ITSN1: variants seen among roughly 807,000 people sequenced by gnomAD.
The protein encoded by ITSN1 is intersectin 1.
Under a neutral mutation model 239.8 loss-of-function variants are expected in ITSN1, and 58 were observed. The observed-to-expected ratio is 0.24, with a 90% CI of 0.20 to 0.30. The LOEUF (loss-of-function observed/expected upper bound fraction) is 0.30. Ranked by LOEUF, ITSN1 falls within the 10% of genes least tolerant of loss-of-function variation. The pLI, the probability that ITSN1 is intolerant of heterozygous loss-of-function variation, is 1.00. For missense variants in ITSN1, 1,558 were observed against 2,103.3 expected (o/e 0.74, Z 5.07); for synonymous variants, 780 against 770.8 (o/e 1.01, Z -0.20).
intron 5 of ITSN1, among the ~76,000 whole-genome samples, chr21:33,742,894 T>C (rs1351150953): frequency 1.3e-5 from 2 of 152,048 alleles, no homozygotes; most frequent in Non-Finnish European, 2.9e-5. Flanking sequence ...ACAAAGTTAT[T>C]ATTAGGAAAA....
chr21:33,732,367 A>G (rs2066241865), intron 4 of ITSN1, among the ~76,000 whole-genome samples: 1 of 152,044 alleles, frequency 6.6e-6, no homozygotes, highest in African/African-American at 2.4e-5. Context: ...GGCTTGAACT[A>G]GTTTTTCAGG....
chr21:33,714,545 A>G (rs552672306), intron 1 of ITSN1, among the ~76,000 whole-genome samples: 49 of 152,356 alleles, frequency 3.2e-4, no homozygotes, highest in South Asian at 1.0e-3. Flanking sequence ...TATATTTGAA[A>G]TCATAAGAGT....
chr21:33,752,342 G>T (rs1432640878), intron 7 of ITSN1, among the ~76,000 whole-genome samples: 1 of 147,234 alleles, frequency 6.8e-6, no homozygotes, highest in East Asian at 2.0e-4. Context: ...ATAATCTTGT[G>T]GAGTTTATAT....
chr21:33,709,529 G>A (rs901591047), intron 1 of ITSN1, among the ~76,000 whole-genome samples: 18 of 152,244 alleles, frequency 1.2e-4, no homozygotes, highest in East Asian at 9.7e-4. Flanking sequence ...TGACTCACCC[G>A]CCTTGGCTTC....
At chr21:33,871,257 A>G (rs1450742835) in intron 33 of ITSN1, among the ~76,000 whole-genome samples, 1 of 152,204 alleles carries the variant, frequency 6.6e-6, no homozygotes, top group Non-Finnish European at 1.5e-5. Context: ...ATACAGAGCA[A>G]CTTCTACTCA....
intron 1 of ITSN1, among the ~76,000 whole-genome samples, chr21:33,664,584 T>A (rs2089798181): frequency 6.6e-6 from 1 of 152,198 alleles, no homozygotes; most frequent in Non-Finnish European, 1.5e-5. Flanking sequence ...TAGCAGTTAC[T>A]AGCTGTGTAA....
intron 9 of ITSN1, among the ~76,000 whole-genome samples, chr21:33,762,682 C>T (rs2068432079): frequency 6.6e-6 from 1 of 151,470 alleles, no homozygotes; most frequent in South Asian, 2.1e-4. Flanking sequence ...ATTATTATTA[C>T]TTTTGAGATG....
chr21:33,725,132 T>C (rs1232683408), intron 4 of ITSN1, among the ~76,000 whole-genome samples: 1 of 119,600 alleles, frequency 8.4e-6, no homozygotes. Context: ...TTTTTTTTTT[T>C]GTTTTTTTTT....
At chr21:33,667,507 A>T (rs2090002633) in intron 1 of ITSN1, among the ~76,000 whole-genome samples, 1 of 152,180 alleles carries the variant, frequency 6.6e-6, no homozygotes. Flanking sequence ...ACTGCTTCAG[A>T]GGTTACTAGA....
Position 33,811,033 on chromosome 21 carries a change from C to G in ITSN1, c.2378C>G (p.Thr793Arg). The G allele has an allele frequency of 1.2e-6, 2 of 1,614,194 alleles. No homozygotes were observed. The highest frequency in any genetic ancestry group is 8.5e-7 in the Non-Finnish European group (1 of 1,180,030). ...GWLGGELKGK[T>R]GWFPANYAEK... is the part of the protein sequence containing the mutation. ...CTTGGAGGAGAATTAAAAGGAAAGA[C>G]AGGGTGGTTCCCTGCAAACTATGCA... Residue 793 changes from threonine to arginine, a missense_variant, in exon 21 of 40, where the codon ACA becomes AGA. Thr to Arg is a moderately conservative substitution (Grantham distance 71). Transcript: ENST00000381318.
At chr21:33,723,413 G>A (rs188666135) in intron 4 of ITSN1, among the ~76,000 whole-genome samples, 1 of 152,292 alleles carries the variant, frequency 6.6e-6, no homozygotes, top group African/African-American at 2.4e-5. Context: ...AGGAGATGGA[G>A]ACCATCCTGG....
At chr21:33,826,907 T>C in intron 26 of ITSN1, 44 bp downstream of exon 26, 2 of 1,490,462 alleles carry the variant, frequency 1.3e-6, no homozygotes, top group Non-Finnish European at 1.9e-6. Flanking sequence ...GTTTTGAATG[T>C]AATTGATAGT....
intron 5 of ITSN1, among the ~76,000 whole-genome samples, chr21:33,744,265 T>C (rs2067048063): frequency 6.6e-6 from 1 of 152,210 alleles, no homozygotes; most frequent in Non-Finnish European, 1.5e-5. Context: ...AATAAGTAAT[T>C]ACGGAATAGT....
chr21:33,763,935 A>C (rs2068543689), intron 9 of ITSN1, among the ~76,000 whole-genome samples: 2 of 152,218 alleles, frequency 1.3e-5, no homozygotes, highest in African/African-American at 4.8e-5. Flanking sequence ...TCAAGCTCTA[A>C]TGCAGCTTCC....
intron 5 of ITSN1, among the ~76,000 whole-genome samples, chr21:33,738,829 CTG>C (rs2066665711): frequency 6.6e-6 from 1 of 152,188 alleles, no homozygotes; most frequent in African/African-American, 2.4e-5. Flanking sequence ...GGGTCTCACT[CTG>C]TTGCCCAGAC....
At position 33,838,284 on chromosome 21, in the gene ITSN1, G is replaced by A. The variant is rs1041756463; in HGVS notation, c.3661+1652G>A. ...ACTCCCCTCGCGTTCTCCCGGCGCT[G>A]TCGGGAGGCTGTGCTGGTGGTCGTG... On this transcript the variant is annotated intron_variant, in intron 29 of 39. Coordinates refer to ENST00000381318, the MANE Select transcript of ITSN1 (RefSeq NM_003024.3). 4.1e-6 allele frequency: 4 copies of A among 985,272 alleles called. No homozygotes were observed. In the African/African-American group the frequency reaches 5.2e-5, roughly 13 times the overall value. 61.0% of individuals were successfully genotyped at this position (985,272 alleles called of 1,614,324 possible). A position where few individuals can be genotyped will look rare whatever the true frequency, so the allele number is the denominator to read the frequency against.
chr21:33,872,900 C>T (rs1241670768), intron 33 of ITSN1, among the ~76,000 whole-genome samples: 1 of 152,164 alleles, frequency 6.6e-6, no homozygotes, highest in African/African-American at 2.4e-5. Flanking sequence ...TTACTTTTGT[C>T]ATTAGAAAAA....
At chr21:33,734,795 T>G (rs1004933761) in intron 4 of ITSN1, among the ~76,000 whole-genome samples, 1 of 152,196 alleles carries the variant, frequency 6.6e-6, no homozygotes, top group Non-Finnish European at 1.5e-5. Flanking sequence ...ATGTCTAAAG[T>G]ACAAATCCTC....
intron 1 of ITSN1, among the ~76,000 whole-genome samples, chr21:33,710,053 T>G (rs1292530046): frequency 6.6e-6 from 1 of 151,870 alleles, no homozygotes; most frequent in Non-Finnish European, 1.5e-5. Flanking sequence ...TCCTACTAAT[T>G]CTAATTTGCT....
Sources: allele counts gnomAD v4.1 joint callset (sites outside exome capture counted in the v4.1 genomes callset), GRCh38; gene constraint gnomAD v4.1.1; transcripts MANE v1.5; gene names NCBI Gene and HGNC (gene_info 2026-07-23, HGNC 2026-07-21).